Variants in PFKFB3 observed in about 807,000 individuals in gnomAD.
PFKFB3 encodes 6-phosphofructo-2-kinase/fructose-2,6-biphosphatase 3, also known as 6-phosphofructo-2-kinase/fructose-2,6-bisphosphatase 3.
A neutral mutation model predicts 68.0 loss-of-function variants in PFKFB3; 33 were observed. That is an observed-to-expected ratio of 0.49 (90% CI 0.37 to 0.65). The LOEUF is 0.65. PFKFB3 is among the 30% of genes least tolerant of loss of function. The pLI is 0.00. For missense variants in PFKFB3, 586 were observed against 712.2 expected, an observed-to-expected ratio of 0.82 and a Z score of 2.02; for synonymous variants, 315 against 288.2, an observed-to-expected ratio of 1.09 and a Z score of -0.94.
chr10:6,295,569 G>A, the PFKFB3 span, among the ~76,000 whole-genome samples: 10 of 151,310 alleles, frequency 6.6e-5, no homozygotes, highest in African/African-American at 1.9e-4. Context: ...TTATACAGGC[G>A]CCATCTTGAT....
upstream of PFKFB3, among the ~76,000 whole-genome samples, chr10:6,201,570 G>T (rs1056060230): frequency 1.3e-5 from 2 of 151,098 alleles, no homozygotes; most frequent in African/African-American, 4.9e-5. The surrounding 1 kb of genome is among the most constrained non-coding windows in gnomAD (Gnocchi z 4.1). Flanking sequence ...GGCCCGGGTG[G>T]GGCGGGCGCG....
chr10:6,200,892 T>C (rs1424687577), upstream of PFKFB3, among the ~76,000 whole-genome samples: 1 of 152,172 alleles, frequency 6.6e-6, no homozygotes, highest in Admixed American at 6.5e-5. Context: ...ATGCGTTATC[T>C]AGGTCAAGAG....
rs59230234 is a variant in PFKFB3, at chr10:6,185,639, C to CTTTTT, written c.17-27970_17-27966dup. 1.7e-4 allele frequency among the ~76,000 whole-genome samples: 20 copies of CTTTTT among 120,502 alleles called. No homozygotes were observed. In the East Asian group the frequency reaches 1.7e-3, roughly 10 times the overall value. 79.1% of individuals were successfully genotyped at this position (120,502 alleles called of 152,430 possible). A position where few individuals can be genotyped will look rare whatever the true frequency, so the allele number is the denominator to read the frequency against. On this transcript the variant is annotated intron_variant, in intron 1 of 14. Coordinates refer to the PFKFB3 transcript ENST00000379789. The stretch of plus-strand genomic sequence containing the variant: ...CCAGATCAGTACTTCCTCCCCGCTC[C>CTTTTT]TTTTTTTTTTTTTTTTTTGAGATGG...
At chr10:6,204,474 C>A (rs1368314886) in intron 1 of PFKFB3, among the ~76,000 whole-genome samples, 1 of 152,234 alleles carries the variant, frequency 6.6e-6, no homozygotes, top group Non-Finnish European at 1.5e-5. Context: ...GAGCCCTGCT[C>A]GGTCTGAATC....
the PFKFB3 span, among the ~76,000 whole-genome samples, chr10:6,300,020 C>T: frequency 8.1e-6 from 1 of 124,150 alleles, no homozygotes; most frequent in Non-Finnish European, 1.6e-5. Context: ...GAATGTTAAG[C>T]CTCACCAAGT....
the PFKFB3 span, among the ~76,000 whole-genome samples, chr10:6,305,581 T>C: frequency 6.6e-6 from 1 of 152,246 alleles, no homozygotes; most frequent in Non-Finnish European, 1.5e-5. Context: ...TTTAAGCTCC[T>C]GATTTATTTC....
At chr10:6,269,225 G>GTTT in the PFKFB3 span, among the ~76,000 whole-genome samples, 5 of 139,742 alleles carry the variant, frequency 3.6e-5, no homozygotes, top group Non-Finnish European at 6.2e-5. Flanking sequence ...TTATTTTTAC[G>GTTT]TTTTTTTTTT....
At chr10:6,216,850 G>T (rs1844620191) in intron 5 of PFKFB3, 70 bp downstream of exon 5, 1 of 1,033,784 alleles carries the variant, frequency 9.7e-7, no homozygotes, top group African/African-American at 1.7e-5. Context: ...AGCGGCCTGA[G>T]TCCTGCTTGG....
intron 1 of PFKFB3, among the ~76,000 whole-genome samples, chr10:6,195,285 C>A (rs1843147541): frequency 6.6e-6 from 1 of 152,170 alleles, no homozygotes; most frequent in Non-Finnish European, 1.5e-5. Flanking sequence ...CCATGTTTCC[C>A]CTACCCTGAA....
chr10:6,243,984 C>T (rs906459630), intron 14 of PFKFB3, among the ~76,000 whole-genome samples: 1 of 151,978 alleles, frequency 6.6e-6, no homozygotes, highest in Admixed American at 6.6e-5. Context: ...CTCAACCTCC[C>T]GAGTAGCTGA....
chr10:6,253,655 A>C (rs2132084144), intron 14 of PFKFB3, among the ~76,000 whole-genome samples: 1 of 152,216 alleles, frequency 6.6e-6, no homozygotes, highest in African/African-American at 2.4e-5. Context: ...GAAAGAAAAA[A>C]AAAAGATGCG....
At chr10:6,221,273 G>A (rs546280565) in intron 8 of PFKFB3, 108 bp from the exon 9 acceptor site, 22 of 1,367,990 alleles carry the variant, frequency 1.6e-5, no homozygotes, top group East Asian at 2.4e-5. Context: ...GGGCCCCCAC[G>A]GTGTAACCAG....
intron 2 of PFKFB3, among the ~76,000 whole-genome samples, chr10:6,214,743 C>T (rs920444192): frequency 6.6e-6 from 1 of 152,200 alleles, no homozygotes; most frequent in Non-Finnish European, 1.5e-5. Flanking sequence ...AGCTCAGTGC[C>T]CAGGAACCAT....
chr10:6,194,463 G>A (rs992082846), intron 1 of PFKFB3, among the ~76,000 whole-genome samples: 1 of 152,216 alleles, frequency 6.6e-6, no homozygotes, highest in African/African-American at 2.4e-5. Context: ...TCAATGGGAC[G>A]TGACAGCTGC....
At chr10:6,150,206 T>C (rs1841530318) in intron 1 of PFKFB3, among the ~76,000 whole-genome samples, 1 of 152,260 alleles carries the variant, frequency 6.6e-6, no homozygotes, top group African/African-American at 2.4e-5. Flanking sequence ...TGGAGAGCTA[T>C]TTGAGTTACG....
chr10:6,274,487 A>G, the PFKFB3 span, among the ~76,000 whole-genome samples: 5 of 152,240 alleles, frequency 3.3e-5, no homozygotes, highest in African/African-American at 1.2e-4. Flanking sequence ...TAATGCATTC[A>G]ATAGTGGCAA....
the PFKFB3 span, among the ~76,000 whole-genome samples, chr10:6,270,438 G>C: frequency 6.6e-6 from 1 of 152,286 alleles, no homozygotes; most frequent in East Asian, 1.9e-4. Context: ...GTTTCCTGTT[G>C]CTCTTGCGTT....
At chr10:6,319,048 A>G in the PFKFB3 span, among the ~76,000 whole-genome samples, 22 of 152,298 alleles carry the variant, frequency 1.4e-4, no homozygotes, top group African/African-American at 5.3e-4. Context: ...CGGGAGGAAG[A>G]CTTTGATAAA....
At chr10:6,277,605 T>C in the PFKFB3 span, 1 of 208,984 alleles carries the variant, frequency 4.8e-6, no homozygotes, top group East Asian at 1.5e-4. Context: ...TGTTTAAAAG[T>C]GTGTGGCATA....
Sources: allele counts gnomAD v4.1 joint callset (sites outside exome capture counted in the v4.1 genomes callset), GRCh38; gene constraint gnomAD v4.1.1; non-coding constraint Gnocchi (gnomAD v3.1); transcripts MANE v1.5; gene names NCBI Gene and HGNC (gene_info 2026-07-23, HGNC 2026-07-21).